The following DNM3 variants were observed in gnomAD, a reference collection of about 807,000 sequenced individuals.
The protein encoded by DNM3 is dynamin-3.
In DNM3, 47 loss-of-function variants were observed where a neutral mutation model predicts 101.6. That is an observed-to-expected ratio of 0.46 (90% CI 0.37 to 0.59). DNM3 has a LOEUF of 0.59. Ranked by LOEUF, DNM3 falls within the 20% of genes least tolerant of loss-of-function variation. The pLI, the probability that DNM3 is intolerant of heterozygous loss-of-function variation, is 0.00. For synonymous variants in DNM3, 385 were observed against 387.9 expected, an observed-to-expected ratio of 0.99 and a Z score of 0.09; for missense variants, 849 against 1,085.7, an observed-to-expected ratio of 0.78 and a Z score of 3.06.
intron 14 of DNM3, among the ~76,000 whole-genome samples, chr1:172,214,070 T>G (rs147557167): frequency 6.6e-6 from 1 of 152,262 alleles, no homozygotes; most frequent in Non-Finnish European, 1.5e-5. Context: ...TAAAAGCTAT[T>G]ATATGCTTCT....
chr1:172,232,729 G>A (rs1309234770), intron 14 of DNM3, among the ~76,000 whole-genome samples: 1 of 152,200 alleles, frequency 6.6e-6, no homozygotes, highest in Non-Finnish European at 1.5e-5. Flanking sequence ...TCAGGATTAA[G>A]AAACTCACTC....
chr1:172,250,393 G>C (rs1488489446), intron 14 of DNM3, among the ~76,000 whole-genome samples: 1 of 152,144 alleles, frequency 6.6e-6, no homozygotes, highest in Non-Finnish European at 1.5e-5. Context: ...GAGCCAATTT[G>C]TAAGTGTTTT....
intron 14 of DNM3, among the ~76,000 whole-genome samples, chr1:172,215,791 C>A (rs571184882): frequency 6.6e-6 from 1 of 151,836 alleles, no homozygotes; most frequent in African/African-American, 2.4e-5. Context: ...GTAATTGATG[C>A]GTCAGAAACC....
intron 17 of DNM3, among the ~76,000 whole-genome samples, chr1:172,352,056 C>A (rs1239967044): frequency 6.6e-6 from 1 of 152,178 alleles, no homozygotes; most frequent in Non-Finnish European, 1.5e-5. Context: ...ATTATCCTGA[C>A]GTCTAAAATT....
At chr1:172,377,994 T>C (rs1423232261) in intron 17 of DNM3, 1 of 152,064 alleles carries the variant, frequency 6.6e-6, no homozygotes, top group Non-Finnish European at 1.5e-5. Context: ...GATTGGATGA[T>C]TGAAAATCAA....
chr1:171,938,358 A>G (rs955120989), intron 2 of DNM3, among the ~76,000 whole-genome samples: 3 of 152,218 alleles, frequency 2.0e-5, no homozygotes, highest in Non-Finnish European at 4.4e-5. Flanking sequence ...CAAGTGGTGC[A>G]TATACACTTG....
chr1:171,892,659 C>T lies in DNM3; in HGVS notation c.162-29089C>T, dbSNP rs190665428. 1.7e-4 allele frequency among the ~76,000 whole-genome samples: 26 copies of T among 152,302 alleles called. 1 individual carries two copies. Among genetic ancestry groups the T allele is most frequent in the African/African-American group, 6.0e-4 (25 of 41,556 alleles). Reference sequence around the variant, plus strand: ...ACATGTATAACAGTATCAGAATTAACTGGTATCCCCAGAGGCAAGAACTTT... The same window carrying T: ...ACATGTATAACAGTATCAGAATTAATTGGTATCCCCAGAGGCAAGAACTTT... On this transcript the variant is annotated intron_variant, in intron 1 of 20. Coordinates refer to ENST00000627582, the MANE Select transcript of DNM3 (RefSeq NM_015569.5).
downstream of DNM3, among the ~76,000 whole-genome samples, chr1:172,416,257 A>G (rs577581337): frequency 3.9e-5 from 6 of 152,292 alleles, no homozygotes; most frequent in South Asian, 1.2e-3. Flanking sequence ...ACATGTAAAA[A>G]GCCCAAATAT....
intron 12 of DNM3, among the ~76,000 whole-genome samples, chr1:172,087,615 C>A (rs1044748532): frequency 6.6e-6 from 1 of 152,136 alleles, no homozygotes; most frequent in African/African-American, 2.4e-5. Flanking sequence ...CCCCTCATAT[C>A]TTTGTCTCCA....
At chr1:172,209,953 A>G (rs2060456206) in intron 14 of DNM3, among the ~76,000 whole-genome samples, 1 of 152,126 alleles carries the variant, frequency 6.6e-6, no homozygotes, top group African/African-American at 2.4e-5. Context: ...ATGCTTTTCC[A>G]TTTTAATAGT....
chr1:171,948,282 T>C (rs1237762590), intron 2 of DNM3, among the ~76,000 whole-genome samples: 1 of 152,182 alleles, frequency 6.6e-6, no homozygotes, highest in Non-Finnish European at 1.5e-5. Context: ...GTTTAAGACC[T>C]CACAATTTAA....
intron 4 of DNM3, 75 bp from the exon 5 acceptor site, chr1:172,032,327 A>G: frequency 1.9e-6 from 2 of 1,037,042 alleles, no homozygotes; most frequent in South Asian, 1.3e-5. Flanking sequence ...CTTTACATTT[A>G]GCATTGTGAC....
At chr1:171,865,587 A>G (rs1378935253) in intron 1 of DNM3, among the ~76,000 whole-genome samples, 1 of 152,042 alleles carries the variant, frequency 6.6e-6, no homozygotes, top group African/African-American at 2.4e-5. Flanking sequence ...AGATAAAACC[A>G]AGAAATGGAG....
At chr1:171,998,722 G>A (rs568172352) in intron 4 of DNM3, among the ~76,000 whole-genome samples, 1 of 152,174 alleles carries the variant, frequency 6.6e-6, no homozygotes, top group African/African-American at 2.4e-5. Context: ...ACAGAATACG[G>A]GAAGAGAGAT....
intron 14 of DNM3, among the ~76,000 whole-genome samples, chr1:172,233,989 G>T (rs1320396357): frequency 6.6e-6 from 1 of 152,174 alleles, no homozygotes; most frequent in African/African-American, 2.4e-5. Context: ...ACAAGACAGG[G>T]ATGCCCTCTC....
chr1:172,063,184 A>G (rs868484131), intron 10 of DNM3, among the ~76,000 whole-genome samples: 5 of 152,316 alleles, frequency 3.3e-5, no homozygotes, highest in Middle Eastern at 3.4e-3. Flanking sequence ...ACGGTTACCT[A>G]ATAACTCCAG....
chr1:171,895,385 T>G (rs1376851458), intron 1 of DNM3, among the ~76,000 whole-genome samples: 2 of 152,312 alleles, frequency 1.3e-5, no homozygotes, highest in East Asian at 3.9e-4. Context: ...CTCTGATGAC[T>G]AGTGATGATG....
intron 1 of DNM3, among the ~76,000 whole-genome samples, chr1:171,901,937 G>T (rs1217706295): frequency 1.3e-5 from 2 of 152,176 alleles, no homozygotes; most frequent in East Asian, 3.8e-4. Flanking sequence ...GAGCTGTGAT[G>T]TGTAGAAGGT....
At chr1:172,416,332 G>A (rs2071424718), downstream of DNM3, among the ~76,000 whole-genome samples, 1 of 152,080 alleles carries the variant, frequency 6.6e-6, no homozygotes, top group South Asian at 2.1e-4. Context: ...GCAAAAGAAA[G>A]AGCAAAAACC....
Sources: allele counts gnomAD v4.1 joint callset (sites outside exome capture counted in the v4.1 genomes callset), GRCh38; gene constraint gnomAD v4.1.1; transcripts MANE v1.5; gene names NCBI Gene and HGNC (gene_info 2026-07-23, HGNC 2026-07-21).